Variants in SLC7A2 observed in about 807,000 individuals in gnomAD.
SLC7A2 encodes the protein solute carrier family 7 member 2.
In SLC7A2, 48 loss-of-function variants were observed where a neutral mutation model predicts 58.9. The observed-to-expected ratio is 0.82, with a 90% CI of 0.65 to 1.04. The LOEUF is 1.04. SLC7A2 is among the 50% of genes least tolerant of loss of function. The probability of loss-of-function intolerance (pLI) is 0.00; values close to 1 mark genes in which losing one functional copy is unlikely to be tolerated. For missense variants in SLC7A2, 1,029 were observed against 818.8 expected, an observed-to-expected ratio of 1.26 and a Z score of -3.13; for synonymous variants, 363 against 314.5, an observed-to-expected ratio of 1.15 and a Z score of -1.63.
chr8:17,558,261 C>T (rs368976806), intron 8 of SLC7A2, 34 bp from the exon 9 acceptor site: 117 of 1,377,496 alleles, frequency 8.5e-5, no homozygotes, highest in South Asian at 8.2e-4. Context: ...CCTCCTGGGC[C>T]GTTTACTTCA....
At chr8:17,555,492 T>G (rs922661972) in intron 8 of SLC7A2, among the ~76,000 whole-genome samples, 3 of 152,212 alleles carry the variant, frequency 2.0e-5, no homozygotes, top group African/African-American at 7.2e-5. Flanking sequence ...GATTCAATTT[T>G]TTGGTCTAGG....
intron 2 of SLC7A2, among the ~76,000 whole-genome samples, chr8:17,516,877 G>A (rs1371568349): frequency 6.6e-6 from 1 of 152,214 alleles, no homozygotes; most frequent in Non-Finnish European, 1.5e-5. Context: ...CTAGGTATTT[G>A]GGATAAACCA....
chr8:17,546,748 T>C (rs903096008), intron 4 of SLC7A2, among the ~76,000 whole-genome samples: 2 of 152,128 alleles, frequency 1.3e-5, no homozygotes, highest in South Asian at 4.1e-4. Flanking sequence ...AAAAATTTGC[T>C]TTTTTGATGG....
intron 2 of SLC7A2, among the ~76,000 whole-genome samples, chr8:17,535,274 A>T (rs1801615513): frequency 6.6e-6 from 1 of 151,858 alleles, no homozygotes; most frequent in African/African-American, 2.4e-5. Flanking sequence ...CTCTGCTTAG[A>T]ACACTTGTGT....
Position 17,535,240 on chromosome 8 carries a change from T to G in SLC7A2, c.-22-8078T>G, listed in dbSNP as rs191058733. Among the ~76,000 whole-genome samples, 240 of 152,222 alleles carry G rather than the reference T, an allele frequency of 1.6e-3. 1 individual carries two copies. The highest frequency in any genetic ancestry group is 5.6e-3 in the African/African-American group (233 of 41,552). On this transcript the variant is annotated intron_variant, in intron 2 of 12. Coordinates refer to ENST00000494857, the MANE Select transcript of SLC7A2 (RefSeq NM_001370338.1). ...CTATGTGGATTGAACTACCCTCTACTTGTTTACTCTTGCTGTGTACACCCT... is the reference window on the plus strand; with the variant it reads ...CTATGTGGATTGAACTACCCTCTACGTGTTTACTCTTGCTGTGTACACCCT...
At chr8:17,562,313 C>T (rs968624251) in intron 11 of SLC7A2, among the ~76,000 whole-genome samples, 2 of 149,988 alleles carry the variant, frequency 1.3e-5, no homozygotes, top group Admixed American at 1.3e-4. Context: ...TCAAGCACTT[C>T]TCCTGCCTCG....
intron 2 of SLC7A2, among the ~76,000 whole-genome samples, chr8:17,533,295 T>C (rs963723131): frequency 6.6e-6 from 1 of 152,252 alleles, no homozygotes; most frequent in Non-Finnish European, 1.5e-5. Context: ...CAGAACGTGT[T>C]TTTCAGAATT....
chr8:17,556,682 C>T (rs1468374581), intron 8 of SLC7A2, among the ~76,000 whole-genome samples: 1 of 151,950 alleles, frequency 6.6e-6, no homozygotes, highest in African/African-American at 2.4e-5. Context: ...GATCTTGGCT[C>T]GTTGCAACCT....
chr8:17,505,647 T>C (rs1454933624), intron 2 of SLC7A2, among the ~76,000 whole-genome samples: 2 of 152,172 alleles, frequency 1.3e-5, no homozygotes, highest in Non-Finnish European at 2.9e-5. Context: ...TAATTTAAAC[T>C]GAGTATTTGT....
chr8:17,538,879 A>G, intron 2 of SLC7A2: 3 of 1,613,894 alleles, frequency 1.9e-6, no homozygotes, highest in Non-Finnish European at 1.7e-6. Flanking sequence ...TCGAGGGTTT[A>G]TTGGAACACC....
rs1001446427 is a variant in SLC7A2, at chr8:17,567,242, C to T, written c.*2096C>T. The T allele has an allele frequency of 2.0e-5, 3 of 152,462 alleles. No individual in the cohort carries two copies. Among genetic ancestry groups the T allele is most frequent in the African/African-American group, 7.2e-5 (3 of 41,388 alleles). The allele number at this position is 152,462 out of a possible 1,614,324, so 9.4% of individuals were successfully genotyped here. A position where few individuals can be genotyped will look rare whatever the true frequency, so the allele number is the denominator to read the frequency against. ...GCTGTTGTCACAGTACGCTGAAAAC[C>T]CGTTTGATTCTATACCCAATCAAGA... is the stretch of plus-strand genomic sequence containing the variant. On this transcript the variant is annotated 3_prime_UTR_variant, in exon 13 of 13. Coordinates refer to ENST00000494857, the MANE Select transcript of SLC7A2 (RefSeq NM_001370338.1).
intron 2 of SLC7A2, among the ~76,000 whole-genome samples, chr8:17,514,016 G>T (rs1467009379): frequency 6.6e-6 from 1 of 152,120 alleles, no homozygotes; most frequent in Non-Finnish European, 1.5e-5. Flanking sequence ...AATTTGAACT[G>T]CAAATAGCAT....
At chr8:17,556,990 G>A (rs1160798217) in intron 8 of SLC7A2, among the ~76,000 whole-genome samples, 1 of 152,148 alleles carries the variant, frequency 6.6e-6, no homozygotes, top group Non-Finnish European at 1.5e-5. Context: ...GTTGGATAAG[G>A]GGAACTCTGC....
In SLC7A2 at chr8:17,561,970, T is replaced by A; in HGVS notation, c.1531T>A (p.Leu511Met). Residue 511 changes from leucine (L) to methionine (M), a missense_variant, in exon 11 of 13, where the codon TTG (leucine) becomes ATG (methionine). Transcript: ENST00000494857. ...TTTCCTCGTGTTGGGCCTGAGTGTCTTGACCACTTACGGAGTTCATGCCAT... is the reference window on the plus strand; with the variant it reads ...TTTCCTCGTGTTGGGCCTGAGTGTCATGACCACTTACGGAGTTCATGCCAT... ...LAFLVLGLSVLTTYGVHAITR... is the reference protein window; with the variant it reads ...LAFLVLGLSVMTTYGVHAITR... 1 of 1,614,108 alleles carries A rather than the reference T, an allele frequency of 6.2e-7. No individual in the cohort carries two copies. Among genetic ancestry groups the A allele is most frequent in the South Asian group, 1.1e-5 (1 of 91,082 alleles).
In SLC7A2 at chr8:17,501,105, G is replaced by A. The variant is rs143588994; in HGVS notation, c.-68-1152G>A. On this transcript the variant is annotated intron_variant, in intron 1 of 12. Coordinates refer to ENST00000494857, the MANE Select transcript of SLC7A2 (RefSeq NM_001370338.1). The stretch of plus-strand genomic sequence containing the variant: ...CTTGGCTCACTGCAACTTTCACCTC[G>A]TGGGTTCAAGCAGTTCTCATGCCTC... Among the ~76,000 whole-genome samples the A allele has an allele frequency of 2.2e-3, 337 of 151,776 alleles. 3 individuals are homozygous for A. Among genetic ancestry groups the A allele is most frequent in the African/African-American group, 7.6e-3 (316 of 41,384 alleles).
chr8:17,520,485 A>G (rs1309162424), intron 2 of SLC7A2, among the ~76,000 whole-genome samples: 1 of 151,698 alleles, frequency 6.6e-6, no homozygotes, highest in Non-Finnish European at 1.5e-5. Context: ...TACTAAAAAT[A>G]CAAAAATTAG....
At chr8:17,545,149 G>C (rs181211268) in intron 4 of SLC7A2, among the ~76,000 whole-genome samples, 50 of 152,246 alleles carry the variant, frequency 3.3e-4, no homozygotes, top group African/African-American at 1.1e-3. Context: ...TTGTAGCATA[G>C]TGGTTTTAGG....
At chr8:17,550,999 G>C (rs1386067334) in intron 6 of SLC7A2, among the ~76,000 whole-genome samples, 1 of 152,146 alleles carries the variant, frequency 6.6e-6, no homozygotes, top group Admixed American at 6.5e-5. Flanking sequence ...TTTTTAAATT[G>C]AAATTAGAAC....
chr8:17,564,214 G>C (rs1157694617), intron 12 of SLC7A2, among the ~76,000 whole-genome samples: 1 of 152,126 alleles, frequency 6.6e-6, no homozygotes, highest in Non-Finnish European at 1.5e-5. Context: ...CAAAATATCT[G>C]ATCTTGACTC....
Sources: gnomAD v4.1 joint callset for allele counts (sites outside exome capture counted in the v4.1 genomes callset) on GRCh38, gnomAD v4.1.1 for gene constraint, MANE v1.5 for transcripts, NCBI Gene and HGNC (gene_info 2026-07-23, HGNC 2026-07-21) for gene names.